The following DLGAP2 variants were observed in gnomAD, a reference collection of about 807,000 sequenced individuals.
The protein encoded by DLGAP2 is disks large-associated protein 2.
DLGAP2 carries 26 observed loss-of-function variants against 100.3 expected under a neutral mutation model. The ratio of observed to expected loss-of-function variants is 0.26; its 90% CI spans 0.19 to 0.36. The LOEUF (loss-of-function observed/expected upper bound fraction) is 0.36. Among genes scored for constraint, DLGAP2 ranks in the 10% least tolerant of loss-of-function variants. The pLI is 1.00. For missense variants in DLGAP2, 1,858 were observed against 1,453.2 expected (o/e 1.28, Z -4.53); for synonymous variants, 886 against 630.1 (o/e 1.41, Z -6.08).
At chr8:1,234,416 A>G (rs1253167197) in intron 2 of DLGAP2, among the ~76,000 whole-genome samples, 1 of 151,820 alleles carries the variant, frequency 6.6e-6, no homozygotes, top group Non-Finnish European at 1.5e-5. Context: ...CTCACATGAC[A>G]CTCCCTGTGG....
intron 6 of DLGAP2, among the ~76,000 whole-genome samples, chr8:1,602,099 A>T (rs2957080): frequency 0.3 from 46,193 of 151,876 alleles, 7,311 homozygotes; most frequent in East Asian, 0.5. Flanking sequence ...CTCAGCCCAC[A>T]CTTGTCAAAT....
chr8:1,569,606 C>A (rs898852211), intron 6 of DLGAP2, among the ~76,000 whole-genome samples: 9 of 152,340 alleles, frequency 5.9e-5, no homozygotes, highest in African/African-American at 2.2e-4. Flanking sequence ...CAACGTAATT[C>A]ATTTATTTCC....
chr8:1,534,068 A>G (rs1378734911), intron 4 of DLGAP2, among the ~76,000 whole-genome samples: 1 of 152,278 alleles, frequency 6.6e-6, no homozygotes, highest in Non-Finnish European at 1.5e-5. Context: ...TCTGATATAT[A>G]CATTTGGAAA....
At chr8:1,263,055 C>T (rs986412986) in intron 3 of DLGAP2, among the ~76,000 whole-genome samples, 1 of 152,002 alleles carries the variant, frequency 6.6e-6, no homozygotes, top group Non-Finnish European at 1.5e-5. Context: ...GTTATTTGCC[C>T]CCATTAAATC....
chr8:851,302 A>G (rs1033153909), intron 1 of DLGAP2, among the ~76,000 whole-genome samples: 1 of 152,178 alleles, frequency 6.6e-6, no homozygotes, highest in African/African-American at 2.4e-5. Flanking sequence ...CACCCTGACA[A>G]AGTCGCCTGG....
chr8:1,031,676 C>A (rs2129027998), intron 2 of DLGAP2, among the ~76,000 whole-genome samples: 1 of 152,246 alleles, frequency 6.6e-6, no homozygotes, highest in Admixed American at 6.5e-5. Flanking sequence ...ATTAGATGTT[C>A]CTCTGAGATC....
At chr8:905,906 G>T (rs1419640026) in intron 1 of DLGAP2, among the ~76,000 whole-genome samples, 1 of 152,102 alleles carries the variant, frequency 6.6e-6, no homozygotes, top group Non-Finnish European at 1.5e-5. Flanking sequence ...TAGAGACGTG[G>T]CTGAGACCAT....
intron 8 of DLGAP2, among the ~76,000 whole-genome samples, chr8:1,651,151 CA>C (rs1266196988): frequency 2.0e-5 from 3 of 152,204 alleles, no homozygotes; most frequent in African/African-American, 7.2e-5. Flanking sequence ...CAATTCTTTG[CA>C]AACACTCAGA....
intron 2 of DLGAP2, among the ~76,000 whole-genome samples, chr8:1,080,462 TG>T (rs1210052471): frequency 6.6e-6 from 1 of 152,164 alleles, no homozygotes; most frequent in African/African-American, 2.4e-5. Context: ...ACGTCTGAAG[TG>T]GGGCGGGAAA....
chr8:1,061,933 G>T (rs1309128765), intron 2 of DLGAP2, among the ~76,000 whole-genome samples: 1 of 151,926 alleles, frequency 6.6e-6, no homozygotes, highest in Non-Finnish European at 1.5e-5. Flanking sequence ...GCACTGTGAC[G>T]CTCCCTAGGA....
At chr8:1,200,941 G>T (rs1166534822) in intron 2 of DLGAP2, among the ~76,000 whole-genome samples, 1 of 152,230 alleles carries the variant, frequency 6.6e-6, no homozygotes, top group African/African-American at 2.4e-5. Flanking sequence ...AGCTCCAGGA[G>T]CGTGTTGTGC....
intron 2 of DLGAP2, among the ~76,000 whole-genome samples, chr8:982,748 G>A (rs919460827): frequency 6.6e-6 from 1 of 152,090 alleles, no homozygotes; most frequent in Non-Finnish European, 1.5e-5. Flanking sequence ...CACTGTGCTC[G>A]GACCTAAAGC....
intron 2 of DLGAP2, among the ~76,000 whole-genome samples, chr8:1,243,467 C>T (rs949476511): frequency 6.6e-6 from 1 of 152,216 alleles, no homozygotes; most frequent in African/African-American, 2.4e-5. Context: ...CTTGGCCCCT[C>T]AGAGAGATGT....
chr8:1,282,641 C>A lies in DLGAP2; in HGVS notation c.106+23758C>A, dbSNP rs36190679. Among the ~76,000 whole-genome samples, 33 of 106,634 alleles carry A rather than the reference C, an allele frequency of 3.1e-4. 4 individuals carry two copies. Among genetic ancestry groups the A allele is most frequent in the Admixed American group, 7.7e-4 (8 of 10,428 alleles). 70.0% of individuals were successfully genotyped at this position (106,634 alleles called of 152,430 possible). ...CATCCAGACGTGGTGTGACCTGAAC[C>A]CAGCGCATGAACCATCCAGACGTGG... is the stretch of plus-strand genomic sequence containing the variant. On this transcript the variant is annotated intron_variant, in intron 3 of 14. Transcript: ENST00000637795.
intron 3 of DLGAP2, among the ~76,000 whole-genome samples, chr8:1,386,320 C>A (rs897023952): frequency 6.6e-6 from 1 of 152,172 alleles, no homozygotes; most frequent in Non-Finnish European, 1.5e-5. Context: ...TGCATGAACT[C>A]CCCAGAACAA....
chr8:1,458,183 G>A (rs1345466184), intron 3 of DLGAP2, among the ~76,000 whole-genome samples: 1 of 151,688 alleles, frequency 6.6e-6, no homozygotes, highest in African/African-American at 2.4e-5. Flanking sequence ...TGGGATTACA[G>A]GCATGAGCCA....
chr8:1,578,353 G>C (rs868424302), intron 6 of DLGAP2, among the ~76,000 whole-genome samples: 2 of 152,294 alleles, frequency 1.3e-5, no homozygotes, highest in Middle Eastern at 3.4e-3. Flanking sequence ...TATGGGTTCA[G>C]GTTCTTACCC....
chr8:1,325,282 T>G (rs1030479983), intron 3 of DLGAP2, among the ~76,000 whole-genome samples: 2 of 151,556 alleles, frequency 1.3e-5, no homozygotes, highest in African/African-American at 2.4e-5. Context: ...TCACCAAGCT[T>G]TCTTTCCTGG....
At chr8:755,867 C>T (rs939154329) in intron 1 of DLGAP2, among the ~76,000 whole-genome samples, 3 of 152,190 alleles carry the variant, frequency 2.0e-5, no homozygotes, top group African/African-American at 7.2e-5. Context: ...AGGGCTGTGC[C>T]ACCCACACAC....
Sources: gnomAD v4.1 joint callset for allele counts (sites outside exome capture counted in the v4.1 genomes callset) on GRCh38, gnomAD v4.1.1 for gene constraint, MANE v1.5 for transcripts, NCBI Gene and HGNC (gene_info 2026-07-23, HGNC 2026-07-21) for gene names.